The following NRXN3 variants were observed in gnomAD, a reference collection of about 807,000 sequenced individuals.
NRXN3 encodes neurexin III.
NRXN3 carries 32 observed loss-of-function variants against 137.6 expected under a neutral mutation model. That is an observed-to-expected ratio of 0.23 (90% CI 0.18 to 0.31). NRXN3 has a LOEUF of 0.31. NRXN3 is among the 10% of genes least tolerant of loss of function. The pLI, the probability that NRXN3 is intolerant of heterozygous loss-of-function variation, is 1.00. For synonymous variants in NRXN3, 798 were observed against 784.5 expected (o/e 1.02, Z -0.29); for missense variants, 1,574 against 2,062.5 (o/e 0.76, Z 4.59).
chr14:78,924,385 G>A (rs1442322147), intron 10 of NRXN3, among the ~76,000 whole-genome samples: 1 of 151,954 alleles, frequency 6.6e-6, no homozygotes, highest in African/African-American at 2.4e-5. Context: ...GATATCATAA[G>A]CCCTATTGTA....
chr14:79,109,044 G>A (rs1396725939), intron 15 of NRXN3, among the ~76,000 whole-genome samples: 4 of 152,180 alleles, frequency 2.6e-5, no homozygotes, highest in Admixed American at 2.6e-4. Flanking sequence ...TTCAGGTAGA[G>A]CGTACTATTT....
intron 4 of NRXN3, among the ~76,000 whole-genome samples, chr14:78,421,236 C>G (rs914311133): frequency 2.7e-5 from 4 of 149,108 alleles, no homozygotes; most frequent in Non-Finnish European, 5.9e-5. Flanking sequence ...GCACTCTAGC[C>G]TGGTGACAGA....
intron 10 of NRXN3, among the ~76,000 whole-genome samples, chr14:78,941,383 C>A (rs2099352599): frequency 6.6e-6 from 1 of 152,198 alleles, no homozygotes; most frequent in African/African-American, 2.4e-5. Context: ...AGGGATTCAC[C>A]TTTCCTTACC....
chr14:78,708,921 G>A lies in NRXN3; in HGVS notation c.1222-296G>A, dbSNP rs182962827. The stretch of plus-strand genomic sequence containing the variant: ...TGAAGTATGTGAATCCATGCAACTC[G>A]ATCTCTCTTGATTTTTATTTGCAAG... On this transcript the variant is annotated intron_variant, in intron 6 of 20. Transcript: ENST00000335750. 3.3e-5 allele frequency among the ~76,000 whole-genome samples: 5 copies of A among 152,270 alleles called. No individual in the cohort carries two copies. In the East Asian group the frequency reaches 7.7e-4, roughly 24 times the overall value.
At chr14:79,388,838 G>A (rs1256621245) in intron 15 of NRXN3, among the ~76,000 whole-genome samples, 1 of 152,160 alleles carries the variant, frequency 6.6e-6, no homozygotes, top group Non-Finnish European at 1.5e-5. Flanking sequence ...CCAGTGGGAG[G>A]TAATTGAATC....
chr14:79,265,519 C>A (rs2078333172), intron 15 of NRXN3, among the ~76,000 whole-genome samples: 1 of 152,038 alleles, frequency 6.6e-6, no homozygotes, highest in Non-Finnish European at 1.5e-5. Context: ...CTTAAAGCCT[C>A]ACCACGATTC....
intron 15 of NRXN3, chr14:79,280,175 C>A: frequency 6.6e-7 from 1 of 1,517,908 alleles, no homozygotes; most frequent in Non-Finnish European, 8.8e-7. Context: ...TTCCCTCTTC[C>A]CCGAATTCTG....
At chr14:79,768,469 A>T (rs1475313580) in intron 19 of NRXN3, among the ~76,000 whole-genome samples, 1 of 151,940 alleles carries the variant, frequency 6.6e-6, no homozygotes, top group Non-Finnish European at 1.5e-5. Flanking sequence ...CTGACCCCTG[A>T]CCCCCGAGCA....
intron 4 of NRXN3, among the ~76,000 whole-genome samples, chr14:78,644,135 GAA>G (rs111868453): frequency 4.7e-5 from 2 of 42,144 alleles, no homozygotes; most frequent in African/African-American, 1.5e-4. Flanking sequence ...GCAAGACTCA[GAA>G]AAAAAAAAAA....
intron 15 of NRXN3, among the ~76,000 whole-genome samples, chr14:79,184,386 A>G (rs1383758278): frequency 6.6e-6 from 1 of 152,244 alleles, no homozygotes; most frequent in African/African-American, 2.4e-5. Flanking sequence ...CTAGATGTGG[A>G]TAGTACCTTC....
chr14:78,334,362 C>T (rs2081206340), intron 4 of NRXN3, among the ~76,000 whole-genome samples: 1 of 152,138 alleles, frequency 6.6e-6, no homozygotes, highest in Admixed American at 6.5e-5. Flanking sequence ...TGTGTCAGAA[C>T]TCATATTCCC....
intron 15 of NRXN3, among the ~76,000 whole-genome samples, chr14:79,395,531 G>A (rs894973405): frequency 6.7e-6 from 1 of 150,302 alleles, no homozygotes; most frequent in Non-Finnish European, 1.5e-5. Flanking sequence ...CTGTGAGGCC[G>A]GGCGTGGTGG....
At chr14:78,991,653 C>A (rs2099519135) in intron 15 of NRXN3, among the ~76,000 whole-genome samples, 1 of 152,068 alleles carries the variant, frequency 6.6e-6, no homozygotes, top group Non-Finnish European at 1.5e-5. Flanking sequence ...GTACTAAATC[C>A]ATCATGTGTA....
intron 16 of NRXN3, among the ~76,000 whole-genome samples, chr14:79,568,733 T>C (rs1234542973): frequency 6.6e-6 from 1 of 152,190 alleles, no homozygotes; most frequent in Non-Finnish European, 1.5e-5. Context: ...AGTAACCCAT[T>C]TTATCAGTTG....
chr14:79,437,181 T>G (rs1022018922), intron 15 of NRXN3, among the ~76,000 whole-genome samples: 2 of 152,078 alleles, frequency 1.3e-5, no homozygotes, highest in Non-Finnish European at 2.9e-5. Context: ...TTCCCCAAAT[T>G]CTGAGCTGCT....
At chr14:79,466,668 A>T (rs779587107) in intron 15 of NRXN3, among the ~76,000 whole-genome samples, 1 of 152,178 alleles carries the variant, frequency 6.6e-6, no homozygotes, top group African/African-American at 2.4e-5. Flanking sequence ...AAATGCATTT[A>T]GTCACATAAC....
chr14:79,138,642 A>T (rs529934349), intron 15 of NRXN3, among the ~76,000 whole-genome samples: 5 of 152,346 alleles, frequency 3.3e-5, no homozygotes, highest in African/African-American at 1.2e-4. Flanking sequence ...AGACAAAATT[A>T]TTGGACAGAA....
At chr14:79,426,985 C>T (rs1416933360) in intron 15 of NRXN3, among the ~76,000 whole-genome samples, 1 of 152,086 alleles carries the variant, frequency 6.6e-6, no homozygotes, top group Non-Finnish European at 1.5e-5. Flanking sequence ...TGACATTGAG[C>T]ATTTTAGTAT....
chr14:78,888,614 C>G (rs1444809302), intron 10 of NRXN3, among the ~76,000 whole-genome samples: 1 of 151,964 alleles, frequency 6.6e-6, no homozygotes, highest in Non-Finnish European at 1.5e-5. Flanking sequence ...CGTTCCTCAC[C>G]CACGTCAGTT....
Sources: allele counts gnomAD v4.1 joint callset (sites outside exome capture counted in the v4.1 genomes callset), GRCh38; gene constraint gnomAD v4.1.1; transcripts MANE v1.5; gene names NCBI Gene and HGNC (gene_info 2026-07-23, HGNC 2026-07-21).